The following POM121C variants were observed in gnomAD, a reference collection of about 807,000 sequenced individuals.
POM121C encodes the protein POM121 transmembrane nucleoporin C.
POM121C carries 20 observed loss-of-function variants against 66.4 expected under a neutral mutation model. The observed-to-expected ratio is 0.30, with a 90% CI of 0.21 to 0.44. The LOEUF is 0.44. Ranked by LOEUF, POM121C falls within the 20% of genes least tolerant of loss-of-function variation. The pLI, the probability that POM121C is intolerant of heterozygous loss-of-function variation, is 1.00. For missense variants in POM121C, 580 were observed against 1,225.7 expected (o/e 0.47, Z 7.87); for synonymous variants, 286 against 528.0 (o/e 0.54, Z 6.28).
At chr7:75,434,114 T>C (rs1790300616) in intron 7 of POM121C, among the ~76,000 whole-genome samples, 1 of 152,196 alleles carries the variant, frequency 6.6e-6, no homozygotes, top group Non-Finnish European at 1.5e-5. Flanking sequence ...TTGGAATAGG[T>C]TTCTCTACTA....
At chr7:75,481,564 G>A (rs782620472) in intron 1 of POM121C, among the ~76,000 whole-genome samples, 8 of 152,164 alleles carry the variant, frequency 5.3e-5, no homozygotes, top group Non-Finnish European at 1.0e-4. Context: ...CAGCCGTGGT[G>A]GCTCATGCCT....
At chr7:75,433,234 CAAAAAAAAAAAAAAA>C (rs782004307) in intron 7 of POM121C, among the ~76,000 whole-genome samples, 2 of 44,250 alleles carry the variant, frequency 4.5e-5, no homozygotes, top group Non-Finnish European at 8.6e-5. Context: ...GACTCTGTCT[CAAAAAAAAAAAAAAA>C]AAAAAAAAAA....
intron 3 of POM121C, among the ~76,000 whole-genome samples, chr7:75,463,680 T>C (rs1554477371): frequency 6.6e-6 from 1 of 152,058 alleles, no homozygotes; most frequent in Non-Finnish European, 1.5e-5. Context: ...TACCCCATTA[T>C]AATACTCAAA....
intron 1 of POM121C, among the ~76,000 whole-genome samples, chr7:75,476,302 A>AAG (rs1792073976): frequency 6.6e-6 from 1 of 151,726 alleles, no homozygotes; most frequent in South Asian, 2.1e-4. Flanking sequence ...AAAAAAAAAA[A>AAG]AAAAGAAAAA....
rs189127202 is a variant in POM121C, at chr7:75,453,959, G to A, written c.-151-12312C>T. ...GCTGGTTTGGGCTTCATCACAGTCC[G>A]GCAGCTTACTTCTAAGGGCAAGCAT... On this transcript the variant is annotated intron_variant, in intron 3 of 14. Transcript: ENST00000615331. Among the ~76,000 whole-genome samples the A allele has an allele frequency of 4.5e-3, 683 of 152,252 alleles. 4 individuals are homozygous for A. The highest frequency in any genetic ancestry group is 0.015 in the African/African-American group (629 of 41,484).
intron 2 of POM121C, 55 bp downstream of exon 2, chr7:75,475,007 C>G: frequency 2.0e-6 from 3 of 1,468,204 alleles, no homozygotes; most frequent in Middle Eastern, 1.9e-4. Flanking sequence ...TTTCTTCAAA[C>G]TCAAGCATAA....
chr7:75,453,582 CAAAAA>C (rs1174277234), intron 3 of POM121C, among the ~76,000 whole-genome samples: 1 of 73,760 alleles, frequency 1.4e-5, no homozygotes, highest in Non-Finnish European at 2.8e-5. Context: ...AACTCGGACT[CAAAAA>C]AAAAAAAAAA....
At position 75,418,701 on chromosome 7, in the gene POM121C, C is replaced by T; in HGVS notation, c.*95G>A. ...AAGCCAGAGATCCGGGGTAGGTTTG[C>T]TTTACGCAGCTGGAAGGGTCCAAGG... On this transcript the variant is annotated 3_prime_UTR_variant, in exon 15 of 15. Transcript: ENST00000615331. The T allele has an allele frequency of 7.0e-7, 1 of 1,419,120 alleles. No homozygotes were observed. The highest frequency in any genetic ancestry group is 9.3e-7 in the Non-Finnish European group (1 of 1,078,388). 87.9% of individuals were successfully genotyped at this position (1,419,120 alleles called of 1,614,324 possible). A position where few individuals can be genotyped will look rare whatever the true frequency, so the allele number is the denominator to read the frequency against.
intron 13 of POM121C, chr7:75,421,278 C>T (rs1428697346): frequency 7.9e-7 from 1 of 1,266,646 alleles, no homozygotes; most frequent in Non-Finnish European, 1.1e-6. Context: ...GCCCAACCTT[C>T]AGCTTACAAT....
intron 5 of POM121C, chr7:75,440,696 G>A (rs1790610277): frequency 1.8e-6 from 1 of 554,090 alleles, no homozygotes; most frequent in Admixed American, 3.2e-5. Context: ...ACAGAAGCAT[G>A]AGGCTAACAT....
intron 3 of POM121C, among the ~76,000 whole-genome samples, chr7:75,459,617 A>G (rs1462085666): frequency 5.6e-4 from 83 of 147,580 alleles, no homozygotes; most frequent in Admixed American, 1.7e-3. Flanking sequence ...AAAAAAAAAA[A>G]AAAGAAAGAA....
At chr7:75,472,425 A>C (rs1791914777) in intron 3 of POM121C, among the ~76,000 whole-genome samples, 1 of 151,950 alleles carries the variant, frequency 6.6e-6, no homozygotes, top group Non-Finnish European at 1.5e-5. Context: ...AGGCACAAGA[A>C]TCACTTGAAT....
chr7:75,462,255 C>T (rs1791470600), intron 3 of POM121C, among the ~76,000 whole-genome samples: 1 of 152,116 alleles, frequency 6.6e-6, no homozygotes, highest in Admixed American at 6.5e-5. Context: ...TGCACTCTCC[C>T]CTCTCTCCTG....
At chr7:75,485,174 T>C (rs7788039) in intron 1 of POM121C, among the ~76,000 whole-genome samples, 2 of 152,156 alleles carry the variant, frequency 1.3e-5, no homozygotes, top group African/African-American at 2.4e-5. Flanking sequence ...TTTAAACTGC[T>C]TAAAATAAAA....
chr7:75,447,743 G>T (rs1383596536), intron 3 of POM121C, among the ~76,000 whole-genome samples: 3 of 151,846 alleles, frequency 2.0e-5, no homozygotes, highest in Admixed American at 6.6e-5. Context: ...CAAAAATTAG[G>T]CCAGGAGCAG....
chr7:75,442,786 G>C, intron 3 of POM121C: 2 of 1,271,524 alleles, frequency 1.6e-6, no homozygotes, highest in South Asian at 2.4e-5. Context: ...TCGCGTCATC[G>C]CGCGCCCGCC....
At chr7:75,465,043 G>C (rs1172290150) in intron 3 of POM121C, among the ~76,000 whole-genome samples, 5 of 149,030 alleles carry the variant, frequency 3.4e-5, no homozygotes, top group African/African-American at 1.2e-4. Context: ...TGTCTAAGCT[G>C]GGGTGCAATG....
intron 7 of POM121C, among the ~76,000 whole-genome samples, chr7:75,433,549 C>T (rs1479249043): frequency 2.0e-5 from 3 of 151,900 alleles, no homozygotes; most frequent in South Asian, 2.1e-4. Flanking sequence ...CTAATAGAGG[C>T]GGGGTTTCAC....
intron 5 of POM121C, among the ~76,000 whole-genome samples, chr7:75,440,357 G>A (rs1245579965): frequency 2.6e-5 from 4 of 151,352 alleles, no homozygotes; most frequent in African/African-American, 7.3e-5. Flanking sequence ...CACGAGGTCA[G>A]GAGTTTGAGA....
Sources: gnomAD v4.1 joint callset for allele counts (sites outside exome capture counted in the v4.1 genomes callset) on GRCh38, gnomAD v4.1.1 for gene constraint, MANE v1.5 for transcripts, NCBI Gene and HGNC (gene_info 2026-07-23, HGNC 2026-07-21) for gene names.